The following SGCZ variants were observed in gnomAD, a reference collection of about 807,000 sequenced individuals.
The protein encoded by SGCZ is sarcoglycan zeta.
In SGCZ, 40 loss-of-function variants were observed where a neutral mutation model predicts 41.3. The observed-to-expected ratio is 0.97, with a 90% CI of 0.75 to 1.26. The LOEUF is 1.26. SGCZ is among the 50% of genes most tolerant of loss of function. The pLI is 0.00. For missense variants in SGCZ, 552 were observed against 369.8 expected, an observed-to-expected ratio of 1.49 and a Z score of -4.04; for synonymous variants, 206 against 137.5, an observed-to-expected ratio of 1.50 and a Z score of -3.49.
At chr8:14,132,164 A>T (rs1803061181) in intron 5 of SGCZ, among the ~76,000 whole-genome samples, 1 of 151,098 alleles carries the variant, frequency 6.6e-6, no homozygotes, top group African/African-American at 2.4e-5. Context: ...TGCTCCTCAG[A>T]CTCAGTAATT....
rs184518653 is a variant in SGCZ at position 14,787,628 on chromosome 8, C to G, written c.40-232702G>C. Among the ~76,000 whole-genome samples the G allele has an allele frequency of 4.6e-3, 694 of 152,094 alleles. 1 individual carries two copies. Among genetic ancestry groups the G allele is most frequent in the East Asian group, 0.012 (60 of 5,148 alleles). ...TTGGGGGACCAAAGTGGGCGGATCA[C>G]CTGAGGTTGGGAGTTTGAGACCAGC... On this transcript the variant is annotated intron_variant, in intron 1 of 7. Coordinates refer to ENST00000382080, the MANE Select transcript of SGCZ (RefSeq NM_139167.4).
chr8:14,235,087 C>T (rs893101058), intron 4 of SGCZ, among the ~76,000 whole-genome samples: 5 of 152,296 alleles, frequency 3.3e-5, no homozygotes, highest in African/African-American at 1.2e-4. Flanking sequence ...CTTCTTATAA[C>T]AGCATTCAAA....
intron 1 of SGCZ, among the ~76,000 whole-genome samples, chr8:15,010,009 G>C (rs934946452): frequency 3.3e-5 from 5 of 152,024 alleles, no homozygotes; most frequent in Admixed American, 2.6e-4. Flanking sequence ...AGTTTTTGGA[G>C]AAAATATGTG....
rs191455487 is a variant in SGCZ, at chr8:14,159,388, T to C, written c.547+5192A>G. On this transcript the variant is annotated intron_variant, in intron 5 of 7. Transcript: ENST00000382080. ...AATATTTAAAGCTTAAAAAAATAAA[T>C]CATGAAGAGGACCGTTGGTAAGGTG... 4.0e-4 allele frequency among the ~76,000 whole-genome samples: 61 copies of C among 152,246 alleles called. 1 individual carries two copies. Among genetic ancestry groups the C allele is most frequent in the Non-Finnish European group, 7.5e-4 (51 of 68,016 alleles).
At position 14,882,349 on chromosome 8, in the gene SGCZ, T is replaced by C. The variant is rs144452168; in HGVS notation, c.40-327423A>G. Among the ~76,000 whole-genome samples the C allele has an allele frequency of 1.8e-3, 267 of 152,318 alleles. 1 individual carries two copies. Among genetic ancestry groups the C allele is most frequent in the African/African-American group, 6.0e-3 (249 of 41,580 alleles). On this transcript the variant is annotated intron_variant, in intron 1 of 7. Transcript: ENST00000382080. ...GCATTTAAAAAAATAAAAAATATTATGTTGTATATTTTGGGCTGTCTCCCT... is the reference window on the plus strand; with the variant it reads ...GCATTTAAAAAAATAAAAAATATTACGTTGTATATTTTGGGCTGTCTCCCT...
At chr8:14,887,834 T>A (rs1363685694) in intron 1 of SGCZ, among the ~76,000 whole-genome samples, 1 of 152,156 alleles carries the variant, frequency 6.6e-6, no homozygotes, top group African/African-American at 2.4e-5. Flanking sequence ...CCTAATATAC[T>A]CCAGATTCAT....
At chr8:14,656,430 T>C (rs1166888891) in intron 1 of SGCZ, among the ~76,000 whole-genome samples, 1 of 130,244 alleles carries the variant, frequency 7.7e-6, no homozygotes, top group Admixed American at 7.8e-5. Flanking sequence ...CCTTCCTTCC[T>C]CCCCCCTCTA....
intron 2 of SGCZ, among the ~76,000 whole-genome samples, chr8:14,530,331 G>A (rs1193851106): frequency 1.3e-5 from 2 of 152,058 alleles, no homozygotes; most frequent in East Asian, 3.9e-4. Flanking sequence ...CTTTCTCACA[G>A]ATCATACATC....
intron 1 of SGCZ, among the ~76,000 whole-genome samples, chr8:14,981,689 C>T (rs1002947188): frequency 6.6e-5 from 10 of 152,146 alleles, no homozygotes; most frequent in African/African-American, 2.4e-4. Context: ...ATTCTATGAA[C>T]AGGATGTGTA....
At chr8:14,861,643 A>G (rs1424527375) in intron 1 of SGCZ, among the ~76,000 whole-genome samples, 1 of 152,176 alleles carries the variant, frequency 6.6e-6, no homozygotes, top group Admixed American at 6.5e-5. Context: ...CGTAAAAGAT[A>G]GAAACATGAT....
intron 1 of SGCZ, among the ~76,000 whole-genome samples, chr8:14,814,919 T>C (rs1801855424): frequency 6.6e-6 from 1 of 152,184 alleles, no homozygotes. Context: ...TTCATCCTAA[T>C]TAATGTTTGC....
intron 1 of SGCZ, among the ~76,000 whole-genome samples, chr8:14,662,602 T>G (rs1807790054): frequency 6.6e-6 from 1 of 152,182 alleles, no homozygotes; most frequent in Non-Finnish European, 1.5e-5. Flanking sequence ...GTCCCTGTGT[T>G]AGGCTAAATA....
At chr8:14,760,474 CT>C (rs1563251270) in intron 1 of SGCZ, among the ~76,000 whole-genome samples, 1 of 152,090 alleles carries the variant, frequency 6.6e-6, no homozygotes, top group Non-Finnish European at 1.5e-5. Context: ...GTTTGTCTGC[CT>C]TAATAAACCA....
At chr8:14,598,249 T>C (rs1805476876) in intron 1 of SGCZ, among the ~76,000 whole-genome samples, 1 of 148,752 alleles carries the variant, frequency 6.7e-6, no homozygotes, top group Admixed American at 6.6e-5. Flanking sequence ...ACAATGTACA[T>C]GGCCTCTTTG....
Position 15,005,800 on chromosome 8 carries a change from C to A in SGCZ, c.39+231785G>T, listed in dbSNP as rs73521012. Among the ~76,000 whole-genome samples the A allele has an allele frequency of 2.7e-3, 405 of 152,266 alleles. 6 individuals carry two copies. The highest frequency in any genetic ancestry group is 9.3e-3 in the African/African-American group (386 of 41,546). ...TAACTAGTCTTTATTATGCTGACAC[C>A]AGTCTCCTAAAATAAAATAGTTCTG... On this transcript the variant is annotated intron_variant, in intron 1 of 7. Coordinates refer to ENST00000382080, the MANE Select transcript of SGCZ (RefSeq NM_139167.4).
At chr8:14,704,970 T>C (rs1474943114) in intron 1 of SGCZ, among the ~76,000 whole-genome samples, 2 of 152,018 alleles carry the variant, frequency 1.3e-5, no homozygotes, top group African/African-American at 4.8e-5. Flanking sequence ...AAAAGTCTGA[T>C]TACTTTTATA....
chr8:14,513,760 C>A (rs564569160), intron 2 of SGCZ, among the ~76,000 whole-genome samples: 4 of 152,072 alleles, frequency 2.6e-5, no homozygotes, highest in African/African-American at 9.7e-5. Flanking sequence ...TGTTTGGCAA[C>A]GTATTTTAAT....
chr8:14,992,543 T>C (rs1196294190), intron 1 of SGCZ, among the ~76,000 whole-genome samples: 1 of 148,650 alleles, frequency 6.7e-6, no homozygotes, highest in African/African-American at 2.5e-5. Context: ...ACTCCAAAAC[T>C]AATGTTGGCA....
At chr8:14,978,628 A>G (rs1031634619) in intron 1 of SGCZ, among the ~76,000 whole-genome samples, 4 of 151,928 alleles carry the variant, frequency 2.6e-5, no homozygotes, top group African/African-American at 9.7e-5. Context: ...GCTGCATCCC[A>G]ACTTCCACTA....
Sources: gnomAD v4.1 joint callset for allele counts (sites outside exome capture counted in the v4.1 genomes callset) on GRCh38, gnomAD v4.1.1 for gene constraint, MANE v1.5 for transcripts, NCBI Gene and HGNC (gene_info 2026-07-23, HGNC 2026-07-21) for gene names.